The following INSC variants were observed in gnomAD, a reference collection of about 807,000 sequenced individuals.
INSC encodes protein inscuteable homolog.
In INSC, 67 loss-of-function variants were observed where a neutral mutation model predicts 58.6. The observed-to-expected ratio is 1.14, with a 90% CI of 0.94 to 1.40. The LOEUF (loss-of-function observed/expected upper bound fraction) is 1.40, where lower values mean the gene tolerates loss of function less well. Among genes scored for constraint, INSC ranks in the 40% most tolerant of loss-of-function variants. The pLI, the probability that INSC is intolerant of heterozygous loss-of-function variation, is 0.00. For missense variants in INSC, 714 were observed against 692.0 expected (o/e 1.03, Z -0.36); for synonymous variants, 262 against 276.1 (o/e 0.95, Z 0.51).
At chr11:15,266,543 C>T in the INSC span, among the ~76,000 whole-genome samples, 1 of 151,942 alleles carries the variant, frequency 6.6e-6, no homozygotes, top group African/African-American at 2.4e-5. Flanking sequence ...TTCCTATATA[C>T]CTTGGCTACT....
chr11:15,238,023 G>A lies in INSC; in HGVS notation c.1238-896G>A, dbSNP rs764126426. Among the ~76,000 whole-genome samples the A allele has an allele frequency of 3.3e-5, 5 of 152,176 alleles. No individual in the cohort carries two copies. The East Asian group carries it at 7.7e-4, about 23-fold the overall frequency. On this transcript the variant is annotated intron_variant, in intron 10 of 12. Transcript: ENST00000379556. ...CTGGCAGGAGCCACTGGGTGCAGAA[G>A]AGGGGAGTGTGGGATGGGCAGTTGG...
chr11:15,180,704 T>C, intron 5 of INSC, among the ~76,000 whole-genome samples: 1 of 57,214 alleles, frequency 1.7e-5, no homozygotes, highest in Admixed American at 2.0e-4. Context: ...CGGGGGGGGG[T>C]GGTGGCCACA....
the INSC span, among the ~76,000 whole-genome samples, chr11:15,258,670 C>G: frequency 6.6e-6 from 1 of 152,142 alleles, no homozygotes; most frequent in Non-Finnish European, 1.5e-5. Flanking sequence ...TTGAATACTT[C>G]CTGGTGTAAG....
At chr11:15,208,373 C>G (rs1444276013) in intron 7 of INSC, among the ~76,000 whole-genome samples, 1 of 152,216 alleles carries the variant, frequency 6.6e-6, no homozygotes. Flanking sequence ...GGCTGACAGG[C>G]AGAAAGGAAC....
At chr11:15,163,236 G>A (rs1051364622) in intron 2 of INSC, among the ~76,000 whole-genome samples, 3 of 152,166 alleles carry the variant, frequency 2.0e-5, no homozygotes, top group Non-Finnish European at 4.4e-5. Context: ...AGAATCTGAT[G>A]ATAGTGGAAT....
At chr11:15,229,925 T>A (rs115336601) in intron 9 of INSC, among the ~76,000 whole-genome samples, 1 of 84,114 alleles carries the variant, frequency 1.2e-5, no homozygotes, top group African/African-American at 4.2e-5. Flanking sequence ...TATAAATTTT[T>A]TATATATTAT....
chr11:15,212,978 T>C (rs1421422909), intron 7 of INSC, among the ~76,000 whole-genome samples: 2 of 152,174 alleles, frequency 1.3e-5, no homozygotes, highest in Admixed American at 6.5e-5. Flanking sequence ...ATTTTAAGGA[T>C]TAAAAATGAG....
upstream of INSC, among the ~76,000 whole-genome samples, chr11:15,114,141 A>G (rs1847636069): frequency 6.6e-6 from 1 of 150,728 alleles, no homozygotes; most frequent in South Asian, 2.1e-4. Flanking sequence ...GGGGAGTTGT[A>G]TGAAATGATC....
At chr11:15,235,205 G>A (rs1331596389) in intron 9 of INSC, 1 of 257,332 alleles carries the variant, frequency 3.9e-6, no homozygotes, top group African/African-American at 2.2e-5. Flanking sequence ...TCCAGAGTAA[G>A]AGCTAGCTGT....
At chr11:15,212,379 C>A (rs906893355) in intron 7 of INSC, among the ~76,000 whole-genome samples, 2 of 152,232 alleles carry the variant, frequency 1.3e-5, no homozygotes. Context: ...GTGATCCGCC[C>A]ACCTCAGCCT....
chr11:15,219,584 C>T (rs995906034), intron 7 of INSC, among the ~76,000 whole-genome samples: 18 of 152,158 alleles, frequency 1.2e-4, no homozygotes, highest in African/African-American at 3.9e-4. Context: ...AATCCTTGGC[C>T]TCTCTGGTGT....
intron 9 of INSC, among the ~76,000 whole-genome samples, chr11:15,230,581 C>T (rs978142111): frequency 2.6e-5 from 4 of 152,174 alleles, no homozygotes; most frequent in Non-Finnish European, 5.9e-5. Context: ...GACACAGATC[C>T]AAAACATATC....
At chr11:15,208,646 A>C (rs1317221220) in intron 7 of INSC, among the ~76,000 whole-genome samples, 1 of 152,212 alleles carries the variant, frequency 6.6e-6, no homozygotes, top group Non-Finnish European at 1.5e-5. Flanking sequence ...TTCCAGACTG[A>C]AGGAAGGCTC....
intron 1 of INSC, among the ~76,000 whole-genome samples, chr11:15,146,852 T>C (rs944617441): frequency 2.0e-5 from 3 of 152,194 alleles, no homozygotes; most frequent in Admixed American, 6.5e-5. Context: ...ACAACTCTTT[T>C]TTTTTCTCTC....
At chr11:15,200,069 G>A (rs1410943485) in intron 6 of INSC, among the ~76,000 whole-genome samples, 1 of 151,744 alleles carries the variant, frequency 6.6e-6, no homozygotes, top group Non-Finnish European at 1.5e-5. Flanking sequence ...CTGGAAAGAA[G>A]TTTCCATAAA....
At chr11:15,120,966 T>G (rs1216633272) in intron 1 of INSC, among the ~76,000 whole-genome samples, 5 of 151,696 alleles carry the variant, frequency 3.3e-5, no homozygotes, top group Non-Finnish European at 5.9e-5. Flanking sequence ...CATGCAAAAA[T>G]ATTATTTTTA....
chr11:15,175,616 C>A, intron 2 of INSC, 125 bp from the exon 3 acceptor site: 1 of 590,896 alleles, frequency 1.7e-6, no homozygotes, highest in Non-Finnish European at 2.7e-6. Flanking sequence ...TATCAAGGTG[C>A]ATGAATGGGA....
chr11:15,147,443 G>C (rs186084021), intron 1 of INSC, among the ~76,000 whole-genome samples: 4 of 152,268 alleles, frequency 2.6e-5, no homozygotes, highest in Admixed American at 1.3e-4. Context: ...AATAATAACA[G>C]CTAACTATTT....
intron 1 of INSC, among the ~76,000 whole-genome samples, chr11:15,148,847 T>C (rs1216204006): frequency 1.3e-5 from 2 of 152,210 alleles, no homozygotes; most frequent in Non-Finnish European, 2.9e-5. Flanking sequence ...TGTGTCCCAA[T>C]ATTTGATACA....
Sources: gnomAD v4.1 joint callset for allele counts (sites outside exome capture counted in the v4.1 genomes callset) on GRCh38, gnomAD v4.1.1 for gene constraint, MANE v1.5 for transcripts, NCBI Gene and HGNC (gene_info 2026-07-23, HGNC 2026-07-21) for gene names.